GPR63: variants seen among roughly 807,000 people sequenced by gnomAD.
GPR63 encodes G protein-coupled receptor 63, also known as probable G protein-coupled receptor 63.
In GPR63, 12 loss-of-function variants were observed where a neutral mutation model predicts 23.1. The observed-to-expected ratio is 0.52, with a 90% CI of 0.33 to 0.84. GPR63 has a LOEUF of 0.84. GPR63 is among the 40% of genes least tolerant of loss of function. The pLI is 0.02. For missense variants in GPR63, 472 were observed against 515.6 expected, an observed-to-expected ratio of 0.92 and a Z score of 0.82; for synonymous variants, 172 against 191.1, an observed-to-expected ratio of 0.90 and a Z score of 0.82.
rs1582239511 is a variant in GPR63 at position 96,796,882 on chromosome 6, T to G, written c.*1590A>C. 3 of 152,200 alleles carry G rather than the reference T, an allele frequency of 2.0e-5. No individual in the cohort carries two copies. The East Asian group carries it at 5.8e-4, about 29-fold the overall frequency. The allele number at this position is 152,200 out of a possible 1,614,324, so 9.4% of individuals were successfully genotyped here. ...AAATCACTGGTTTTGCTTCACAGCC[T>G]TATTTATCTAAGATTTTTAAGTCTC... On this transcript the variant is annotated 3_prime_UTR_variant, in exon 2 of 2. Coordinates refer to ENST00000229955, the MANE Select transcript of GPR63 (RefSeq NM_030784.4).
In GPR63 at chr6:96,796,221, C is replaced by T. The variant is rs1329768846; in HGVS notation, c.*2251G>A. On this transcript the variant is annotated 3_prime_UTR_variant, in exon 2 of 2. Transcript: ENST00000229955. ...AATGTAAAGAAGTAATACTGGAGAC[C>T]AAAGGGTGAGGTGATGCTGAAGTCA... 1 of 152,008 alleles carries T rather than the reference C, an allele frequency of 6.6e-6. No homozygotes were observed. The highest frequency in any genetic ancestry group is 1.9e-4 in the East Asian group (1 of 5,182). The allele number at this position is 152,008 out of a possible 1,614,324, so 9.4% of individuals were successfully genotyped here. A position where few individuals can be genotyped will look rare whatever the true frequency, so the allele number is the denominator to read the frequency against.
chr6:96,827,368 GAT>G (rs1774469853), intron 1 of GPR63, among the ~76,000 whole-genome samples: 1 of 151,944 alleles, frequency 6.6e-6, no homozygotes, highest in African/African-American at 2.4e-5. Context: ...AACAATGAAA[GAT>G]AAAAGAGATG....
chr6:96,826,886 T>A (rs1226259550), intron 1 of GPR63, among the ~76,000 whole-genome samples: 1 of 151,752 alleles, frequency 6.6e-6, no homozygotes, highest in Non-Finnish European at 1.5e-5. Context: ...TTTTAAGAAA[T>A]AAAGCATCAT....
chr6:96,827,470 T>C (rs537417265), intron 1 of GPR63, among the ~76,000 whole-genome samples: 10 of 152,220 alleles, frequency 6.6e-5, no homozygotes, highest in African/African-American at 1.9e-4. Flanking sequence ...TTCAAAAGGA[T>C]TGTAAATAGA....
intron 1 of GPR63, among the ~76,000 whole-genome samples, chr6:96,835,534 T>A (rs953627746): frequency 2.6e-5 from 4 of 152,152 alleles, no homozygotes; most frequent in Admixed American, 6.5e-5. Context: ...CTAAGTCACA[T>A]CCACTTAGGA....
At chr6:96,822,085 C>T (rs1376298594) in intron 1 of GPR63, among the ~76,000 whole-genome samples, 2 of 152,070 alleles carry the variant, frequency 1.3e-5, no homozygotes, top group African/African-American at 4.8e-5. Flanking sequence ...GATCCTCAGT[C>T]CTTTGGTCTT....
At chr6:96,816,090 C>A (rs942065718) in intron 1 of GPR63, among the ~76,000 whole-genome samples, 4 of 152,070 alleles carry the variant, frequency 2.6e-5, no homozygotes, top group Non-Finnish European at 5.9e-5. Context: ...TGCATGGATT[C>A]TTATTTGTTA....
intron 1 of GPR63, among the ~76,000 whole-genome samples, chr6:96,813,039 C>T (rs1582260414): frequency 6.6e-6 from 1 of 152,240 alleles, no homozygotes; most frequent in East Asian, 1.9e-4. Flanking sequence ...ATCTATCATT[C>T]TATTCTCTAC....
At chr6:96,826,395 GACA>G (rs1774439445) in intron 1 of GPR63, among the ~76,000 whole-genome samples, 1 of 152,088 alleles carries the variant, frequency 6.6e-6, no homozygotes, top group African/African-American at 2.4e-5. Flanking sequence ...AGAAAGTGCT[GACA>G]ACAACATCAT....
chr6:96,808,431 TC>T (rs1282077935), intron 1 of GPR63, among the ~76,000 whole-genome samples: 4 of 152,212 alleles, frequency 2.6e-5, no homozygotes, highest in Non-Finnish European at 5.9e-5. Flanking sequence ...AGATTAGTTT[TC>T]CCATGGGGTT....
intron 1 of GPR63, among the ~76,000 whole-genome samples, chr6:96,822,392 T>C (rs527477552): frequency 6.6e-6 from 1 of 152,294 alleles, no homozygotes; most frequent in Non-Finnish European, 1.5e-5. Context: ...CTAAAGGTCA[T>C]ACTAAAAATA....
At chr6:96,826,998 T>C (rs9487264) in intron 1 of GPR63, among the ~76,000 whole-genome samples, 11,871 of 146,148 alleles carry the variant, frequency 0.081, 816 homozygotes, top group African/African-American at 0.19. Context: ...ACCTTCATCA[T>C]AGGCCTGAAA....
At chr6:96,837,222 C>CCGCGGGGCGGGGAT (rs1774755975) in intron 1 of GPR63, 46 bp downstream of exon 1, 1 of 152,380 alleles carries the variant, frequency 6.6e-6, no homozygotes, top group Admixed American at 6.5e-5. Flanking sequence ...GCTACCTGTC[C>CCGCGGGGCGGGGAT]CGCGGGCCGG....
At chr6:96,800,794 G>A (rs1388330866) in intron 1 of GPR63, among the ~76,000 whole-genome samples, 1 of 152,058 alleles carries the variant, frequency 6.6e-6, no homozygotes, top group Non-Finnish European at 1.5e-5. Flanking sequence ...AACTTGATCA[G>A]AATATGTCAA....
chr6:96,803,450 G>A (rs972584623), intron 1 of GPR63, among the ~76,000 whole-genome samples: 4 of 152,174 alleles, frequency 2.6e-5, no homozygotes, highest in Admixed American at 6.5e-5. Flanking sequence ...TTAAACAAAA[G>A]CATTTTTGTA....
At chr6:96,812,818 T>C (rs1774075748) in intron 1 of GPR63, among the ~76,000 whole-genome samples, 1 of 152,136 alleles carries the variant, frequency 6.6e-6, no homozygotes, top group African/African-American at 2.4e-5. Flanking sequence ...ATCCATCATC[T>C]AGAGTATTTA....
rs554900695 is a variant in GPR63 at position 96,821,710 on chromosome 6, T to C, written c.-151+15558A>G. Among the ~76,000 whole-genome samples, 106 of 152,320 alleles carry C rather than the reference T, an allele frequency of 7.0e-4. 1 individual carries two copies. The highest frequency in any genetic ancestry group is 1.2e-3 in the Non-Finnish European group (81 of 68,032). ...GCTCCAGCCAAGTCAATTCAACAAA[T>C]AGGTCTCAGGCAACAATCATGTACC... On this transcript the variant is annotated intron_variant, in intron 1 of 1. Transcript: ENST00000229955.
intron 1 of GPR63, among the ~76,000 whole-genome samples, chr6:96,817,831 G>C (rs927449463): frequency 2.6e-5 from 4 of 151,734 alleles, no homozygotes; most frequent in Admixed American, 2.6e-4. Context: ...TTGGGGAAGA[G>C]TAGGAGTTAT....
intron 1 of GPR63, among the ~76,000 whole-genome samples, chr6:96,802,253 ATCTT>A (rs1280390345): frequency 1.3e-5 from 2 of 152,214 alleles, no homozygotes; most frequent in African/African-American, 4.8e-5. Flanking sequence ...TAGTCATTGT[ATCTT>A]TCTACCATAA....
Sources: allele counts gnomAD v4.1 joint callset (sites outside exome capture counted in the v4.1 genomes callset), GRCh38; gene constraint gnomAD v4.1.1; transcripts MANE v1.5; gene names NCBI Gene and HGNC (gene_info 2026-07-23, HGNC 2026-07-21).